The following MICAL3 variants were observed in gnomAD, a reference collection of about 807,000 sequenced individuals.
MICAL3 encodes the protein microtubule associated monooxygenase, calponin and LIM domain containing 3, also known as [F-actin]-monooxygenase MICAL3.
In MICAL3, 62 loss-of-function variants were observed where a neutral mutation model predicts 207.4. The ratio of observed to expected loss-of-function variants is 0.30; its 90% CI spans 0.24 to 0.37. The LOEUF is 0.37. Ranked by LOEUF, MICAL3 falls within the 10% of genes least tolerant of loss-of-function variation. The pLI is 1.00. For missense variants in MICAL3, 2,368 were observed against 2,635.6 expected, an observed-to-expected ratio of 0.90 and a Z score of 2.22; for synonymous variants, 1,077 against 1,069.3, an observed-to-expected ratio of 1.01 and a Z score of -0.14.
chr22:17,789,755 C>G lies in MICAL3; in HGVS notation c.*977G>C, dbSNP rs1048674494. ...TGCCGCTGTGGCTCCCGCACCCGGG[C>G]GCAGGTGATCAGTTCCTCTAGTAAA... On this transcript the variant is annotated 3_prime_UTR_variant, in exon 32 of 32. Transcript: ENST00000441493. 3.3e-5 allele frequency: 5 copies of G among 152,226 alleles called. No homozygotes were observed. The highest frequency in any genetic ancestry group is 1.2e-4 in the African/African-American group (5 of 41,466). 9.4% of individuals were successfully genotyped at this position (152,226 alleles called of 1,614,324 possible).
chr22:17,950,363 GACGA>G (rs1934285389), intron 1 of MICAL3, among the ~76,000 whole-genome samples: 1 of 104,456 alleles, frequency 9.6e-6, no homozygotes, highest in African/African-American at 3.6e-5. Context: ...TTTTTTTTGA[GACGA>G]AGTTTCACTC....
chr22:17,857,596 T>C (rs542946820), intron 19 of MICAL3, among the ~76,000 whole-genome samples: 75 of 152,308 alleles, frequency 4.9e-4, no homozygotes, highest in Non-Finnish European at 8.5e-4. Flanking sequence ...ATGTGATTAA[T>C]GTAGAAGCAC....
At chr22:17,931,633 C>T (rs1933270033) in intron 1 of MICAL3, among the ~76,000 whole-genome samples, 1 of 152,176 alleles carries the variant, frequency 6.6e-6, no homozygotes, top group African/African-American at 2.4e-5. Context: ...TCAATGTGCA[C>T]CCTGAATGCA....
chr22:17,856,460 G>A (rs369624667), intron 19 of MICAL3, among the ~76,000 whole-genome samples: 53 of 152,090 alleles, frequency 3.5e-4, no homozygotes, highest in African/African-American at 1.1e-3. Context: ...CTCTGAGATC[G>A]CAGAGCCCTC....
intron 1 of MICAL3, among the ~76,000 whole-genome samples, chr22:17,968,618 G>A (rs1935259692): frequency 1.3e-5 from 2 of 152,136 alleles, no homozygotes; most frequent in Admixed American, 6.5e-5. Flanking sequence ...GTGTCCAACT[G>A]AGAGCCGATA....
intron 25 of MICAL3, among the ~76,000 whole-genome samples, chr22:17,819,498 G>A (rs1207302953): frequency 3.9e-5 from 6 of 152,168 alleles, no homozygotes; most frequent in Non-Finnish European, 7.3e-5. Context: ...TACGTACAGA[G>A]GGGCCAGGAC....
intron 1 of MICAL3, among the ~76,000 whole-genome samples, chr22:17,997,928 C>CAA (rs35872228): frequency 7.1e-5 from 10 of 141,730 alleles, no homozygotes; most frequent in African/African-American, 2.3e-4. Context: ...CTTCCGCTTC[C>CAA]AAAAAAAAAA....
intron 7 of MICAL3, among the ~76,000 whole-genome samples, chr22:17,897,422 C>CAAAAAA (rs71754131): frequency 6.7e-4 from 28 of 41,712 alleles, no homozygotes; most frequent in East Asian, 3.2e-3. Context: ...GACTCCAACT[C>CAAAAAA]AAAAAAAAAA....
intron 1 of MICAL3, among the ~76,000 whole-genome samples, chr22:17,926,579 AC>A (rs1200936172): frequency 6.6e-6 from 1 of 152,130 alleles, no homozygotes; most frequent in African/African-American, 2.4e-5. Context: ...TCAAAATAGA[AC>A]CCCATCTTCC....
intron 1 of MICAL3, among the ~76,000 whole-genome samples, chr22:18,001,695 G>A (rs1923031801): frequency 6.6e-6 from 1 of 152,258 alleles, no homozygotes; most frequent in Admixed American, 6.5e-5. Flanking sequence ...TGTGCAAAAG[G>A]CAAAGAAATA....
chr22:17,887,562 G>A (rs1313031542), intron 13 of MICAL3, 127 bp from the exon 14 acceptor site: 3 of 608,470 alleles, frequency 4.9e-6, no homozygotes, highest in Non-Finnish European at 5.9e-6. Flanking sequence ...ACCAGCTCCA[G>A]GACAAGCATG....
chr22:17,842,021 C>T lies in MICAL3; in HGVS notation c.2606-4G>A, dbSNP rs780811454. ...TCCAGGCCGTTCACGCCTGAACCTG[C>T]GGGACAAGCACAGAAGCACTGCACT... is the stretch of plus-strand genomic sequence containing the variant. On this transcript the variant is annotated splice_region_variant and splice_polypyrimidine_tract_variant and intron_variant, in intron 19 of 31. Coordinates refer to ENST00000441493, the MANE Select transcript of MICAL3 (RefSeq NM_015241.3). The T allele has an allele frequency of 1.6e-5, 25 of 1,597,924 alleles. 1 individual carries two copies. The highest frequency in any genetic ancestry group is 3.3e-4 in the Middle Eastern group (2 of 5,996).
At chr22:17,945,945 G>A (rs954590322) in intron 1 of MICAL3, among the ~76,000 whole-genome samples, 2 of 152,168 alleles carry the variant, frequency 1.3e-5, no homozygotes, top group Non-Finnish European at 2.9e-5. Context: ...CAGCTTACAG[G>A]GAGGGGCAGA....
chr22:17,897,503 AC>A (rs1231409068), intron 7 of MICAL3, among the ~76,000 whole-genome samples: 1 of 151,738 alleles, frequency 6.6e-6, no homozygotes, highest in African/African-American at 2.4e-5. Context: ...GCCTAAACAC[AC>A]AGTCATGGCT....
At position 17,832,126 on chromosome 22, in the gene MICAL3, A is replaced by G. The variant is rs772904536; in HGVS notation, c.2802-19T>C. The G allele has an allele frequency of 3.2e-6, 5 of 1,557,058 alleles. No homozygotes were observed. Among genetic ancestry groups the G allele is most frequent in the East Asian group, 2.4e-5 (1 of 41,704 alleles). ...GGAACTACTGTGAGGAAATAACCAC[A>G]TAGCCAGAGTGAGGGAATGAAGAAA... On this transcript the variant is annotated intron_variant, in intron 20 of 31. Transcript: ENST00000441493.
chr22:17,819,072 G>T lies in MICAL3; in HGVS notation c.3589C>A (p.Leu1197Ile), dbSNP rs1262302797. 13 of 1,556,068 alleles carry T rather than the reference G, an allele frequency of 8.4e-6. No individual in the cohort carries two copies. The highest frequency in any genetic ancestry group is 1.1e-5 in the Non-Finnish European group (13 of 1,150,748). Residue 1197 changes from leucine to isoleucine, a missense_variant, in exon 26 of 32, where the codon CTT becomes ATT. This residue lies in a region of MICAL3 where 1,770 missense variants were observed against 1,863.2 expected (regional missense o/e 0.95). Transcript: ENST00000441493. Reference sequence around the variant, plus strand: ...TTGGGGAGCAAAGGCTCAGGGAAAAGGCGCTCCTCAGGTGATTTCTCCTGG... The same window carrying T: ...TTGGGGAGCAAAGGCTCAGGGAAAATGCGCTCCTCAGGTGATTTCTCCTGG... Reference protein sequence around the residue: ...ATQEKSPEERLFPEPLLPKEK... With the variant: ...ATQEKSPEERIFPEPLLPKEK...
intron 1 of MICAL3, among the ~76,000 whole-genome samples, chr22:17,942,737 C>T (rs1009601185): frequency 1.3e-5 from 2 of 152,240 alleles, no homozygotes; most frequent in African/African-American, 4.8e-5. Flanking sequence ...ATGCCCGTGA[C>T]GCTGCTGGGC....
Position 17,818,187 on chromosome 22 carries a change from C to A in MICAL3, c.4474G>T (p.Ala1492Ser), listed in dbSNP as rs761904383. The part of the protein sequence containing the change: ...NASVVPPPLP[A>S]TWMRPPREPA... The stretch of plus-strand genomic sequence containing the variant: ...TCCCGGGGGGGCCGCATCCAGGTGG[C>A]GGGCAAGGGCGGCGGGACCACCGAG... The change falls in exon 26 of 32, where the codon GCC becomes TCC. Residue 1492 changes from alanine (A) to serine (S), a missense_variant. By Grantham distance (99) the Ala-to-Ser change is moderately conservative. Transcript: ENST00000441493. 1 of 1,551,470 alleles carries A rather than the reference C, an allele frequency of 6.4e-7. No homozygotes were observed. The highest frequency in any genetic ancestry group is 1.2e-5 in the South Asian group (1 of 86,028).
chr22:17,812,612 T>A, intron 27 of MICAL3: 3 of 837,640 alleles, frequency 3.6e-6, no homozygotes, highest in Non-Finnish European at 4.3e-6. Context: ...TAATAATGAT[T>A]AACAAATTAA....
Sources: gnomAD v4.1 joint callset for allele counts (sites outside exome capture counted in the v4.1 genomes callset) on GRCh38, gnomAD v4.1.1 for gene constraint, gnomAD v4.1.1 regional missense constraint, MANE v1.5 for transcripts, NCBI Gene and HGNC (gene_info 2026-07-23, HGNC 2026-07-21) for gene names.